The following CRADD variants were observed in gnomAD, a reference collection of about 807,000 sequenced individuals.
CRADD encodes death domain-containing protein CRADD.
A neutral mutation model predicts 15.5 loss-of-function variants in CRADD; 9 were observed. The ratio of observed to expected loss-of-function variants is 0.58; its 90% CI spans 0.35 to 1.01. The LOEUF (loss-of-function observed/expected upper bound fraction) is 1.01, where lower values mean the gene tolerates loss of function less well. Among genes scored for constraint, CRADD ranks in the 50% least tolerant of loss-of-function variants. The pLI, the probability that CRADD is intolerant of heterozygous loss-of-function variation, is 0.02. For missense variants in CRADD, 227 were observed against 250.3 expected, an observed-to-expected ratio of 0.91 and a Z score of 0.63; for synonymous variants, 118 against 107.6, an observed-to-expected ratio of 1.10 and a Z score of -0.60.
intron 2 of CRADD, among the ~76,000 whole-genome samples, chr12:93,812,393 A>C (rs78513196): frequency 0.029 from 4,384 of 152,158 alleles, 200 homozygotes; most frequent in African/African-American, 0.096. Flanking sequence ...GGCATAAATA[A>C]ATAGTGGACT....
chr12:93,743,213 A>G (rs1399713228), intron 2 of CRADD, among the ~76,000 whole-genome samples: 2 of 152,194 alleles, frequency 1.3e-5, no homozygotes, highest in African/African-American at 4.8e-5. Flanking sequence ...TGGAGTTACA[A>G]TATAGAGGTT....
intron 2 of CRADD, chr12:93,708,714 T>C (rs1197250730): frequency 6.6e-6 from 1 of 152,252 alleles, no homozygotes; most frequent in Non-Finnish European, 1.5e-5. Context: ...GAGTAGTGCC[T>C]GGCATCATTG....
rs749978611 is a variant in CRADD, at chr12:93,678,831, G to A, written c.57G>A (p.Glu19=). 6 of 1,614,088 alleles carry A rather than the reference G, an allele frequency of 3.7e-6. No individual in the cohort carries two copies. The African/African-American group carries it at 6.7e-5, about 18-fold the overall frequency. ...CACTTCGCCTGGAGCTGGGTGCAGA[G>A]GTATTGGTGGAGGGACTGGTTCTTC... is the stretch of plus-strand genomic sequence containing the variant. ...LRSLRLELGA[E]VLVEGLVLQY... The change falls in exon 2 of 3, where the codon GAG becomes GAA. Residue 19 remains glutamate (E), a synonymous_variant. Transcript: ENST00000332896.
intron 2 of CRADD, among the ~76,000 whole-genome samples, chr12:93,810,602 T>C (rs1443956685): frequency 7.4e-6 from 1 of 134,612 alleles, no homozygotes; most frequent in Admixed American, 7.7e-5. Context: ...GAATAGGGAA[T>C]TTCACTAGGC....
chr12:93,780,400 T>C (rs1330834776), intron 2 of CRADD, among the ~76,000 whole-genome samples: 1 of 152,208 alleles, frequency 6.6e-6, no homozygotes, highest in Non-Finnish European at 1.5e-5. Flanking sequence ...GCGGTAGATA[T>C]TACTGTTATC....
chr12:93,700,103 T>G (rs1955808855), intron 2 of CRADD, among the ~76,000 whole-genome samples: 1 of 152,214 alleles, frequency 6.6e-6, no homozygotes, highest in Non-Finnish European at 1.5e-5. Context: ...AGTACTTCCC[T>G]GACATCTCAG....
At chr12:93,825,524 T>C (rs1266038779) in intron 2 of CRADD, among the ~76,000 whole-genome samples, 1 of 152,190 alleles carries the variant, frequency 6.6e-6, no homozygotes, top group East Asian at 1.9e-4. Flanking sequence ...ATTTCAAAAC[T>C]CTCTGAACTG....
At chr12:93,828,661 T>G (rs1691417794) in intron 2 of CRADD, among the ~76,000 whole-genome samples, 1 of 152,246 alleles carries the variant, frequency 6.6e-6, no homozygotes, top group Admixed American at 6.5e-5. Context: ...GTAAATCTAT[T>G]TCTGAACTTT....
chr12:93,679,208 C>T, intron 2 of CRADD, 136 bp downstream of exon 2: 1 of 668,416 alleles, frequency 1.5e-6, no homozygotes, highest in East Asian at 2.8e-5. Flanking sequence ...ATGGTGTGAT[C>T]TCGGCTCACT....
intron 2 of CRADD, among the ~76,000 whole-genome samples, chr12:93,892,403 C>T (rs749770200): frequency 6.6e-6 from 1 of 152,216 alleles, no homozygotes; most frequent in Non-Finnish European, 1.5e-5. Flanking sequence ...CTGATCTCAC[C>T]CCGATCCCAG....
intron 2 of CRADD, among the ~76,000 whole-genome samples, chr12:93,777,520 G>A (rs1484626685): frequency 6.6e-6 from 1 of 152,212 alleles, no homozygotes; most frequent in Non-Finnish European, 1.5e-5. Flanking sequence ...AGAGAAGGAA[G>A]ACCTAGGGGT....
At chr12:93,829,573 A>G (rs1957866221) in intron 2 of CRADD, among the ~76,000 whole-genome samples, 1 of 152,186 alleles carries the variant, frequency 6.6e-6, no homozygotes, top group Non-Finnish European at 1.5e-5. Context: ...GGCCAAATGA[A>G]ACACATCTAC....
At chr12:93,885,276 G>A (rs1958528267) in intron 2 of CRADD, among the ~76,000 whole-genome samples, 1 of 152,098 alleles carries the variant, frequency 6.6e-6, no homozygotes, top group South Asian at 2.1e-4. Flanking sequence ...TATCTTTTAG[G>A]CATTTCTTCT....
intron 2 of CRADD, chr12:93,733,465 TC>T (rs1014724856): frequency 1.3e-5 from 2 of 152,290 alleles, no homozygotes; most frequent in Admixed American, 6.5e-5. Context: ...TTTCTCACAA[TC>T]GCCCCTCTCA....
At chr12:93,681,723 C>T (rs1032198971) in intron 2 of CRADD, among the ~76,000 whole-genome samples, 1 of 152,178 alleles carries the variant, frequency 6.6e-6, no homozygotes, top group Non-Finnish European at 1.5e-5. Context: ...TTGTCTCATT[C>T]CCAACCCCCA....
intron 2 of CRADD, among the ~76,000 whole-genome samples, chr12:93,887,470 G>A (rs681867): frequency 0.72 from 109,833 of 152,178 alleles, 40,190 homozygotes; most frequent in East Asian, 0.96. Context: ...CGAAACTCAG[G>A]AAGTTCTTAA....
At chr12:93,886,163 T>A (rs111856537) in intron 2 of CRADD, among the ~76,000 whole-genome samples, 16 of 56,352 alleles carry the variant, frequency 2.8e-4, no homozygotes, top group East Asian at 5.7e-4. Flanking sequence ...CTGCTGATGC[T>A]TTTTTTTTTT....
chr12:93,818,367 TC>T (rs1477262940), intron 2 of CRADD, among the ~76,000 whole-genome samples: 2 of 152,122 alleles, frequency 1.3e-5, no homozygotes, highest in Non-Finnish European at 2.9e-5. Flanking sequence ...ACCTCCCCAC[TC>T]CCCACTCCCT....
At chr12:93,805,933 C>T (rs531985088) in intron 2 of CRADD, among the ~76,000 whole-genome samples, 7 of 152,126 alleles carry the variant, frequency 4.6e-5, no homozygotes, top group African/African-American at 1.7e-4. Context: ...TACAGCAAGT[C>T]CCTGAAGGGG....
Sources: gnomAD v4.1 joint callset for allele counts (sites outside exome capture counted in the v4.1 genomes callset) on GRCh38, gnomAD v4.1.1 for gene constraint, MANE v1.5 for transcripts, NCBI Gene and HGNC (gene_info 2026-07-23, HGNC 2026-07-21) for gene names.